The following CCSER1 variants were observed in gnomAD, a reference collection of about 807,000 sequenced individuals.
CCSER1 encodes the protein serine-rich coiled-coil domain-containing protein 1.
In CCSER1, 41 loss-of-function variants were observed where a neutral mutation model predicts 82.0. That is an observed-to-expected ratio of 0.50 (90% confidence interval 0.39 to 0.65). The LOEUF (loss-of-function observed/expected upper bound fraction) is 0.65, where lower values mean the gene tolerates loss of function less well. Ranked by LOEUF, CCSER1 falls within the 30% of genes least tolerant of loss-of-function variation. CCSER1 has a pLI of 0.00. For missense variants in CCSER1, 1,119 were observed against 1,064.2 expected (o/e 1.05, Z -0.72); for synonymous variants, 414 against 383.9 (o/e 1.08, Z -0.92).
intron 9 of CCSER1, among the ~76,000 whole-genome samples, chr4:91,019,305 A>G (rs1287213586): frequency 1.3e-5 from 2 of 151,970 alleles, no homozygotes. Flanking sequence ...GGCTACTTTC[A>G]AATTTCAAAT....
At chr4:90,215,015 T>C (rs1740768760) in intron 1 of CCSER1, among the ~76,000 whole-genome samples, 1 of 152,228 alleles carries the variant, frequency 6.6e-6, no homozygotes, top group African/African-American at 2.4e-5. Flanking sequence ...GTATGAATTC[T>C]AACAGCTCAT....
intron 5 of CCSER1, among the ~76,000 whole-genome samples, chr4:90,575,446 T>G (rs917082413): frequency 4.6e-5 from 7 of 152,230 alleles, no homozygotes; most frequent in Non-Finnish European, 7.3e-5. Flanking sequence ...AGAACCCTCC[T>G]GACCTCATCA....
intron 10 of CCSER1, among the ~76,000 whole-genome samples, chr4:91,209,681 G>C (rs1003099290): frequency 3.3e-5 from 5 of 151,668 alleles, no homozygotes; most frequent in Non-Finnish European, 7.4e-5. Flanking sequence ...TTCTTTCTTT[G>C]TTGTGTCTCT....
At chr4:91,466,655 G>A (rs2149438765) in intron 10 of CCSER1, among the ~76,000 whole-genome samples, 1 of 152,260 alleles carries the variant, frequency 6.6e-6, no homozygotes, top group Admixed American at 6.5e-5. Context: ...CTTCAGCAAA[G>A]TCTCAGGATA....
At chr4:90,603,446 T>C (rs979986841) in intron 5 of CCSER1, among the ~76,000 whole-genome samples, 1 of 152,172 alleles carries the variant, frequency 6.6e-6, no homozygotes, top group Non-Finnish European at 1.5e-5. Flanking sequence ...ACATCCCAAA[T>C]CTCATTCAAG....
intron 10 of CCSER1, among the ~76,000 whole-genome samples, chr4:91,490,923 T>TAA (rs1758498928): frequency 3.6e-5 from 3 of 84,112 alleles, no homozygotes; most frequent in African/African-American, 1.5e-4. Context: ...TATATATATA[T>TAA]ATATAAAATA....
intron 10 of CCSER1, among the ~76,000 whole-genome samples, chr4:91,395,633 G>C (rs937526445): frequency 6.6e-6 from 1 of 151,862 alleles, no homozygotes; most frequent in African/African-American, 2.4e-5. Flanking sequence ...AGTTTATCCA[G>C]GTTTCTAGGA....
At chr4:90,928,962 T>C (rs1218878276) in intron 9 of CCSER1, among the ~76,000 whole-genome samples, 2 of 152,082 alleles carry the variant, frequency 1.3e-5, no homozygotes, top group African/African-American at 4.8e-5. Context: ...AACTTCTATA[T>C]CATATTCATC....
chr4:90,334,880 T>G (rs1740086075), intron 3 of CCSER1, among the ~76,000 whole-genome samples: 1 of 152,150 alleles, frequency 6.6e-6, no homozygotes, highest in African/African-American at 2.4e-5. Flanking sequence ...ACAGCCCAAT[T>G]TATGATAAAC....
intron 3 of CCSER1, among the ~76,000 whole-genome samples, chr4:90,323,239 T>C (rs1737498866): frequency 6.6e-6 from 1 of 152,142 alleles, no homozygotes. Context: ...AAGGACTCCC[T>C]TGGCTGCCAC....
At chr4:90,602,384 A>G (rs934483948) in intron 5 of CCSER1, among the ~76,000 whole-genome samples, 1 of 151,876 alleles carries the variant, frequency 6.6e-6, no homozygotes, top group African/African-American at 2.4e-5. Flanking sequence ...TTTTATTTTT[A>G]ATCTATGACT....
Position 91,146,116 on chromosome 4 carries a change from A to AT in CCSER1, c.2217+60128dup, listed in dbSNP as rs574583484. 2.8e-4 allele frequency among the ~76,000 whole-genome samples: 43 copies of AT among 152,198 alleles called. 1 individual carries two copies. In the South Asian group the frequency reaches 8.7e-3, roughly 31 times the overall value. On this transcript the variant is annotated intron_variant, in intron 10 of 10. Transcript: ENST00000509176. ...CACATATTTCTTGGAGGCTTTGTTC[A>AT]TTTTTTAAAATTATTATTTTTATGT...
intron 4 of CCSER1, among the ~76,000 whole-genome samples, chr4:90,459,717 CTTAA>C (rs1762638678): frequency 6.6e-6 from 1 of 152,124 alleles, no homozygotes; most frequent in Non-Finnish European, 1.5e-5. Flanking sequence ...AATATTTTAA[CTTAA>C]TTTTCTATTT....
chr4:90,137,255 T>C (rs375887229), intron 1 of CCSER1, among the ~76,000 whole-genome samples: 2 of 152,222 alleles, frequency 1.3e-5, no homozygotes, highest in Non-Finnish European at 2.9e-5. Flanking sequence ...ATATAAACTT[T>C]TAGAAACATT....
At chr4:91,408,812 C>T (rs753847645) in intron 10 of CCSER1, among the ~76,000 whole-genome samples, 12 of 152,276 alleles carry the variant, frequency 7.9e-5, no homozygotes, top group Middle Eastern at 6.8e-3. Flanking sequence ...AGGTAGCAGA[C>T]ATATACAGTG....
intron 5 of CCSER1, among the ~76,000 whole-genome samples, chr4:90,500,032 T>C (rs1007770778): frequency 2.0e-5 from 3 of 152,186 alleles, no homozygotes; most frequent in Non-Finnish European, 4.4e-5. Context: ...AATGTTCCTT[T>C]CTTATTAATG....
chr4:91,554,237 A>C (rs1762302315), intron 10 of CCSER1, among the ~76,000 whole-genome samples: 1 of 151,414 alleles, frequency 6.6e-6, no homozygotes, highest in Non-Finnish European at 1.5e-5. Context: ...CATTGTGGTC[A>C]AAAAAGATTC....
At chr4:90,595,436 CAT>C (rs1311161942) in intron 5 of CCSER1, among the ~76,000 whole-genome samples, 1 of 151,834 alleles carries the variant, frequency 6.6e-6, no homozygotes, top group Non-Finnish European at 1.5e-5. Context: ...TTATTCTAAA[CAT>C]ATGGAAGGAA....
chr4:90,737,651 T>C (rs62312977), intron 7 of CCSER1, among the ~76,000 whole-genome samples: 8,739 of 152,256 alleles, frequency 0.057, 359 homozygotes, highest in Admixed American at 0.11. Context: ...AATATTTATA[T>C]CTTTGTCTAG....
Sources: gnomAD v4.1 joint callset for allele counts (sites outside exome capture counted in the v4.1 genomes callset) on GRCh38, gnomAD v4.1.1 for gene constraint, MANE v1.5 for transcripts, NCBI Gene and HGNC (gene_info 2026-07-23, HGNC 2026-07-21) for gene names.